The following AK9 variants were observed in gnomAD, a reference collection of about 807,000 sequenced individuals.
AK9 encodes the protein adenylate kinase domain containing 1.
A neutral mutation model predicts 239.6 loss-of-function variants in AK9; 191 were observed. That is an observed-to-expected ratio of 0.80 (90% confidence interval 0.71 to 0.90). The LOEUF is 0.90. Among genes scored for constraint, AK9 ranks in the 40% least tolerant of loss-of-function variants. The pLI is 0.00. For missense variants in AK9, 1,995 were observed against 2,214.7 expected (o/e 0.90, Z 1.99); for synonymous variants, 689 against 721.0 (o/e 0.96, Z 0.71).
chr6:109,672,130 G>T lies in AK9; in HGVS notation c.219C>A (p.Thr73=). The stretch of plus-strand genomic sequence containing the variant: ...GTTTGTTTACCATAACTCCTGATTC[G>T]GTTTCAGCAGCAATCTGTTCTTCTA... ...PILEEQIAAE[T]ESGVMLQSML... The change falls in exon 4 of 41, where the codon ACC becomes ACA. Residue 73 remains threonine (T), a synonymous_variant. Coordinates refer to ENST00000424296, the MANE Select transcript of AK9 (RefSeq NM_001145128.3). 6.2e-7 allele frequency: 1 copy of T among 1,613,104 alleles called. No individual in the cohort carries two copies. Among genetic ancestry groups the T allele is most frequent in the South Asian group, 1.1e-5 (1 of 90,982 alleles).
intron 27 of AK9, among the ~76,000 whole-genome samples, chr6:109,537,469 A>G (rs1782183829): frequency 7.1e-6 from 1 of 141,008 alleles, no homozygotes; most frequent in Non-Finnish European, 1.6e-5. Flanking sequence ...ATCATTTTTT[A>G]TTGCATCTAT....
At chr6:109,628,410 G>T (rs776613314) in intron 12 of AK9, among the ~76,000 whole-genome samples, 1 of 152,124 alleles carries the variant, frequency 6.6e-6, no homozygotes, top group Non-Finnish European at 1.5e-5. Flanking sequence ...TCAGCTCCAT[G>T]GAAGCACCAT....
intron 28 of AK9, 123 bp from the exon 29 acceptor site, chr6:109,529,196 G>A: frequency 9.0e-7 from 1 of 1,110,788 alleles, no homozygotes. Context: ...GAACTTTGCA[G>A]GAAAGGATGT....
intron 19 of AK9, among the ~76,000 whole-genome samples, chr6:109,584,254 T>A (rs1789205481): frequency 6.6e-6 from 1 of 152,086 alleles, no homozygotes; most frequent in Non-Finnish European, 1.5e-5. Context: ...CCCAGCTTCT[T>A]CATTTCTAGG....
At chr6:109,662,005 G>T (rs541281241) in intron 6 of AK9, among the ~76,000 whole-genome samples, 1 of 152,124 alleles carries the variant, frequency 6.6e-6, no homozygotes, top group Non-Finnish European at 1.5e-5. Flanking sequence ...ATACATTCAT[G>T]TCATGTGTCT....
At chr6:109,543,727 CG>C (rs1783179840) in intron 26 of AK9, among the ~76,000 whole-genome samples, 1 of 151,972 alleles carries the variant, frequency 6.6e-6, no homozygotes, top group Admixed American at 6.6e-5. Context: ...GGATTACAGG[CG>C]TGAGCGACCG....
chr6:109,514,163 T>A, intron 32 of AK9, 61 bp downstream of exon 32: 2 of 1,440,392 alleles, frequency 1.4e-6, no homozygotes, highest in Non-Finnish European at 1.9e-6. Flanking sequence ...ACCTGCCATG[T>A]GCATTGGGTA....
intron 20 of AK9, among the ~76,000 whole-genome samples, chr6:109,576,436 T>TTTTTTTTTTTTTTTTTTTTTTTTTG (rs1425722005): frequency 6.7e-6 from 1 of 149,768 alleles, no homozygotes. Flanking sequence ...TTTTTTTTTT[T>TTTTTTTTTTTTTTTTTTTTTTTTTG]TGCAGCTGTT....
intron 13 of AK9, among the ~76,000 whole-genome samples, chr6:109,615,258 CT>C (rs5879032): frequency 8.8e-4 from 122 of 139,216 alleles, no homozygotes; most frequent in Non-Finnish European, 1.2e-3. Context: ...GTTCCCTTGG[CT>C]TTTTTTTTTT....
intron 28 of AK9, among the ~76,000 whole-genome samples, chr6:109,530,250 G>A (rs150671374): frequency 3.3e-5 from 5 of 152,260 alleles, no homozygotes; most frequent in African/African-American, 9.6e-5. Context: ...GGGCTCTGGT[G>A]CAGATGAGCA....
chr6:109,510,023 A>C (rs1432997538), intron 32 of AK9, among the ~76,000 whole-genome samples: 1 of 151,986 alleles, frequency 6.6e-6, no homozygotes, highest in Non-Finnish European at 1.5e-5. Context: ...GCCAAGCCCC[A>C]GGGGCCATTG....
chr6:109,626,136 T>C (rs1234767760), intron 12 of AK9, among the ~76,000 whole-genome samples: 1 of 152,100 alleles, frequency 6.6e-6, no homozygotes, highest in African/African-American at 2.4e-5. Flanking sequence ...AAACGTTCAG[T>C]TTGGTTTTTA....
intron 10 of AK9, among the ~76,000 whole-genome samples, chr6:109,640,847 A>G (rs904792203): frequency 2.0e-5 from 3 of 152,310 alleles, no homozygotes; most frequent in African/African-American, 7.2e-5. Flanking sequence ...TATGTAGCAC[A>G]TCAGTGCCAG....
Position 109,593,074 on chromosome 6 carries a change from T to C in AK9, c.1843-7002A>G, listed in dbSNP as rs187782374. 5.0e-3 allele frequency among the ~76,000 whole-genome samples: 763 copies of C among 152,226 alleles called. 9 individuals are homozygous for C. Among genetic ancestry groups the C allele is most frequent in the Non-Finnish European group, 6.4e-3 (433 of 68,026 alleles). Reference sequence around the variant, plus strand: ...GACTTTATTACTTTTCTTTCTTTATTTTTGTCTAACTGGGTTAATTCAGAA... The same window carrying C: ...GACTTTATTACTTTTCTTTCTTTATCTTTGTCTAACTGGGTTAATTCAGAA... On this transcript the variant is annotated intron_variant, in intron 17 of 40. Coordinates refer to ENST00000424296, the MANE Select transcript of AK9 (RefSeq NM_001145128.3).
chr6:109,666,958 G>A lies in AK9; in HGVS notation c.332-4295C>T, dbSNP rs561161038. 5.9e-5 allele frequency among the ~76,000 whole-genome samples: 9 copies of A among 152,302 alleles called. No individual in the cohort carries two copies. The South Asian group carries it at 1.7e-3, about 28-fold the overall frequency. ...GGGCTATTCATTCACTGGGGAAAAC[G>A]AGATTTTCCAGAATCTAGAAGCAGG... is the stretch of plus-strand genomic sequence containing the variant. On this transcript the variant is annotated intron_variant, in intron 5 of 40. Coordinates refer to ENST00000424296, the MANE Select transcript of AK9 (RefSeq NM_001145128.3).
intron 24 of AK9, among the ~76,000 whole-genome samples, chr6:109,558,875 T>A (rs1347466432): frequency 2.0e-5 from 3 of 152,040 alleles, no homozygotes; most frequent in Non-Finnish European, 4.4e-5. Context: ...TACTTTTTTT[T>A]TTTTTTGAGA....
chr6:109,674,490 G>A (rs1458435059), intron 2 of AK9, among the ~76,000 whole-genome samples: 1 of 152,056 alleles, frequency 6.6e-6, no homozygotes, highest in Non-Finnish European at 1.5e-5. Flanking sequence ...TTAATATTAA[G>A]TACATAGCCC....
At chr6:109,685,290 T>C (rs1038902640) in intron 1 of AK9, among the ~76,000 whole-genome samples, 1 of 152,212 alleles carries the variant, frequency 6.6e-6, no homozygotes, top group African/African-American at 2.4e-5. Flanking sequence ...ATATGTTTAC[T>C]GCAGCACTAT....
At chr6:109,656,324 GACCAAT>G (rs1799697457) in intron 8 of AK9, among the ~76,000 whole-genome samples, 2 of 152,088 alleles carry the variant, frequency 1.3e-5, no homozygotes, top group Non-Finnish European at 2.9e-5. Flanking sequence ...GATAACCATA[GACCAAT>G]CAGTGTAACA....
Sources: allele counts gnomAD v4.1 joint callset (sites outside exome capture counted in the v4.1 genomes callset), GRCh38; gene constraint gnomAD v4.1.1; transcripts MANE v1.5; gene names NCBI Gene and HGNC (gene_info 2026-07-23, HGNC 2026-07-21).